Variants in IL15 observed in about 807,000 individuals in gnomAD.
IL15 encodes interleukin-15.
IL15 carries 11 observed loss-of-function variants against 19.6 expected under a neutral mutation model. The observed-to-expected ratio is 0.56, with a 90% CI of 0.35 to 0.93. The LOEUF (loss-of-function observed/expected upper bound fraction) is 0.93, where lower values mean the gene tolerates loss of function less well. Ranked by LOEUF, IL15 falls within the 40% of genes least tolerant of loss-of-function variation. The pLI, the probability that IL15 is intolerant of heterozygous loss-of-function variation, is 0.01. For synonymous variants in IL15, 58 were observed against 59.6 expected (o/e 0.97, Z 0.12); for missense variants, 197 against 186.5 (o/e 1.06, Z -0.33).
chr4:141,726,486 C>T (rs1019462417), intron 5 of IL15, among the ~76,000 whole-genome samples: 1 of 152,120 alleles, frequency 6.6e-6, no homozygotes, highest in African/African-American at 2.4e-5. Flanking sequence ...ATCATTCATA[C>T]ATTGCTGGTG....
At chr4:141,670,784 C>T (rs548679770) in intron 2 of IL15, among the ~76,000 whole-genome samples, 4 of 152,174 alleles carry the variant, frequency 2.6e-5, no homozygotes, top group African/African-American at 7.2e-5. Context: ...AACATTATGT[C>T]GAAGTTCCAG....
chr4:141,653,709 G>A (rs557689476), intron 1 of IL15, among the ~76,000 whole-genome samples: 2 of 152,020 alleles, frequency 1.3e-5, no homozygotes, highest in African/African-American at 4.8e-5. Context: ...ATTTACTTAA[G>A]CAGTACCCTA....
At chr4:141,703,275 G>A (rs563211872) in intron 2 of IL15, among the ~76,000 whole-genome samples, 8 of 152,290 alleles carry the variant, frequency 5.3e-5, no homozygotes, top group Admixed American at 1.3e-4. Flanking sequence ...TCGCCACCAA[G>A]TTCTGTTGAT....
intron 1 of IL15, among the ~76,000 whole-genome samples, chr4:141,641,089 A>G (rs1727026943): frequency 6.6e-6 from 1 of 152,154 alleles, no homozygotes; most frequent in Admixed American, 6.5e-5. Flanking sequence ...GAAATCTGAC[A>G]AAGTAGTCCT....
Position 141,732,833 on chromosome 4 carries a change from C to A in IL15, c.474C>A (p.Phe158Leu). Residue 158 changes from phenylalanine to leucine, a missense_variant, in exon 8 of 8, where the codon TTC (phenylalanine) becomes TTA (leucine). Coordinates refer to ENST00000320650, the MANE Select transcript of IL15 (RefSeq NM_000585.5). ...LQSFVHIVQM[F>L]INTS ...GTTTTGTACATATTGTCCAAATGTTCATCAACACTTCTTGATTGCAATTGA... is the reference window on the plus strand; with the variant it reads ...GTTTTGTACATATTGTCCAAATGTTAATCAACACTTCTTGATTGCAATTGA... The A allele has an allele frequency of 1.2e-6, 2 of 1,607,596 alleles. No homozygotes were observed. The highest frequency in any genetic ancestry group is 2.2e-5 in the South Asian group (2 of 88,972).
intron 1 of IL15, among the ~76,000 whole-genome samples, chr4:141,652,291 G>C (rs1361840465): frequency 1.3e-5 from 2 of 152,062 alleles, no homozygotes; most frequent in Non-Finnish European, 2.9e-5. Context: ...CTCTGTCTCA[G>C]ATAATTTGTA....
intron 2 of IL15, among the ~76,000 whole-genome samples, chr4:141,675,843 A>G (rs1356256706): frequency 1.3e-5 from 2 of 152,240 alleles, no homozygotes; most frequent in African/African-American, 2.4e-5. Context: ...TTTGTATCTC[A>G]TATCGAAAAT....
chr4:141,719,437 A>ACAG lies in IL15; in HGVS notation c.-27_-26insAGC. The ACAG allele has an allele frequency of 1.2e-6, 1 of 858,824 alleles. No homozygotes were observed. Among genetic ancestry groups the ACAG allele is most frequent in the South Asian group, 1.4e-5 (1 of 72,848 alleles). The allele number at this position is 858,824 out of a possible 1,614,324, so 53.2% of individuals were successfully genotyped here. A position where few individuals can be genotyped will look rare whatever the true frequency, so the allele number is the denominator to read the frequency against. ...TTGCCATAGCCAGCTCTTCTTCAATACTTAAGGATTTACCGTGGCTTTGAG... is the reference window on the plus strand; with the variant it reads ...TTGCCATAGCCAGCTCTTCTTCAATACAGCTTAAGGATTTACCGTGGCTTTGAG... On this transcript the variant is annotated 5_prime_UTR_variant, in exon 3 of 8. Transcript: ENST00000320650.
At chr4:141,642,101 T>C (rs1312059393) in intron 1 of IL15, among the ~76,000 whole-genome samples, 4 of 152,148 alleles carry the variant, frequency 2.6e-5, no homozygotes, top group Non-Finnish European at 1.5e-5. Flanking sequence ...GATATGTCAA[T>C]GCTTTGATTA....
intron 6 of IL15, among the ~76,000 whole-genome samples, chr4:141,728,949 T>C (rs1374218491): frequency 6.6e-6 from 1 of 152,156 alleles, no homozygotes; most frequent in Non-Finnish European, 1.5e-5. Context: ...TTTTAGATTT[T>C]AGATTTTAGA....
At chr4:141,727,027 A>C (rs982074184) in intron 5 of IL15, among the ~76,000 whole-genome samples, 1 of 152,148 alleles carries the variant, frequency 6.6e-6, no homozygotes. Flanking sequence ...GGAGACAATA[A>C]AAAGATCAGT....
At chr4:141,714,356 C>T (rs150252346) in intron 2 of IL15, among the ~76,000 whole-genome samples, 213 of 152,106 alleles carry the variant, frequency 1.4e-3, no homozygotes, top group African/African-American at 4.8e-3. Flanking sequence ...CTCCAAAATC[C>T]TTAATTCCCC....
chr4:141,710,619 A>G (rs1474685585), intron 2 of IL15, among the ~76,000 whole-genome samples: 1 of 152,086 alleles, frequency 6.6e-6, no homozygotes, highest in Admixed American at 6.6e-5. Context: ...TAGACTTACT[A>G]CTGCCACATT....
intron 4 of IL15, chr4:141,721,607 A>G (rs1730083821): frequency 1.9e-6 from 1 of 527,372 alleles, no homozygotes; most frequent in Non-Finnish European, 3.5e-6. Context: ...AAAATCATTT[A>G]TTGAGCATTG....
At chr4:141,721,156 T>C in intron 4 of IL15, 1 of 1,338,648 alleles carries the variant, frequency 7.5e-7, no homozygotes, top group Non-Finnish European at 1.1e-6. Flanking sequence ...TTCATGGTAT[T>C]GGGAACCATA....
chr4:141,713,242 T>C (rs886555780), intron 2 of IL15, among the ~76,000 whole-genome samples: 10 of 152,282 alleles, frequency 6.6e-5, no homozygotes, highest in South Asian at 4.1e-4. Flanking sequence ...TTTAAAGATA[T>C]CACTTTCTCA....
chr4:141,704,013 A>G (rs963228071), intron 2 of IL15, among the ~76,000 whole-genome samples: 3 of 152,282 alleles, frequency 2.0e-5, no homozygotes, highest in Non-Finnish European at 2.9e-5. Flanking sequence ...AAACTGGGAC[A>G]ATTTGACTTC....
intron 2 of IL15, among the ~76,000 whole-genome samples, chr4:141,702,479 G>A (rs115525576): frequency 0.016 from 2,446 of 152,298 alleles, 59 homozygotes; most frequent in African/African-American, 0.053. Context: ...CGTAGACTGA[G>A]ATTCCTTGGT....
intron 2 of IL15, among the ~76,000 whole-genome samples, chr4:141,665,083 G>A (rs1727924152): frequency 6.6e-6 from 1 of 151,900 alleles, no homozygotes; most frequent in Non-Finnish European, 1.5e-5. Context: ...TCCTTAATAT[G>A]TTAAGGAACC....
Sources: allele counts gnomAD v4.1 joint callset (sites outside exome capture counted in the v4.1 genomes callset), GRCh38; gene constraint gnomAD v4.1.1; transcripts MANE v1.5; gene names NCBI Gene and HGNC (gene_info 2026-07-23, HGNC 2026-07-21).